Variants in SRRM4 observed in about 807,000 individuals in gnomAD.
The protein encoded by SRRM4 is serine/arginine repetitive matrix 4.
In SRRM4, 33 loss-of-function variants were observed where a neutral mutation model predicts 68.9. That is an observed-to-expected ratio of 0.48 (90% CI 0.36 to 0.64). The LOEUF (loss-of-function observed/expected upper bound fraction) is 0.64, where lower values mean the gene tolerates loss of function less well. SRRM4 is among the 30% of genes least tolerant of loss of function. The pLI is 0.00. For synonymous variants in SRRM4, 318 were observed against 318.8 expected (o/e 1.00, Z 0.03); for missense variants, 817 against 827.1 (o/e 0.99, Z 0.15).
rs116954408 is a variant in SRRM4, at chr12:119,048,514, G to A, written c.132-53722G>A. Among the ~76,000 whole-genome samples, 815 of 152,272 alleles carry A rather than the reference G, an allele frequency of 5.4e-3. 6 individuals carry two copies. The highest frequency in any genetic ancestry group is 8.1e-3 in the Admixed American group (124 of 15,302). ...GTCCCTCCTAGTGTTTAAGAGCATG[G>A]GGAACCTGAGGCAGGGAAAATCGGG... On this transcript the variant is annotated intron_variant, in intron 1 of 12. Transcript: ENST00000267260.
In SRRM4 at chr12:119,091,734, A is replaced by G. The variant is rs1380593794; in HGVS notation, c.132-10502A>G. On this transcript the variant is annotated intron_variant, in intron 1 of 12. Coordinates refer to ENST00000267260, the MANE Select transcript of SRRM4 (RefSeq NM_194286.4). The stretch of plus-strand genomic sequence containing the variant: ...CAGAGTCTATCCGATGGGTCTACTC[A>G]CTATGCACTCCCAACTCTCCCTGGT... Among the ~76,000 whole-genome samples the G allele has an allele frequency of 2.0e-5, 3 of 152,072 alleles. No individual in the cohort carries two copies. In the East Asian group the frequency reaches 5.8e-4, roughly 29 times the overall value.
chr12:119,161,308 C>G lies in SRRM4; in HGVS notation c.*4510C>G, dbSNP rs927067856. On this transcript the variant is annotated 3_prime_UTR_variant, in exon 13 of 13. Coordinates refer to ENST00000267260, the MANE Select transcript of SRRM4 (RefSeq NM_194286.4). ...GGATTCCTCCAAACATGCCTCCTCC[C>G]GCACTGGCCAGCCGAGTCCAGCTGA... 1 of 152,198 alleles carries G rather than the reference C, an allele frequency of 6.6e-6. No homozygotes were observed. Among genetic ancestry groups the G allele is most frequent in the South Asian group, 2.1e-4 (1 of 4,828 alleles). 9.4% of individuals were successfully genotyped at this position (152,198 alleles called of 1,614,324 possible). A position where few individuals can be genotyped will look rare whatever the true frequency, so the allele number is the denominator to read the frequency against.
intron 1 of SRRM4, among the ~76,000 whole-genome samples, chr12:119,015,267 C>G (rs139288460): frequency 6.6e-6 from 1 of 152,150 alleles, no homozygotes; most frequent in Non-Finnish European, 1.5e-5. Context: ...CCCTTTTTCT[C>G]CATCTCCAGT....
At chr12:119,082,394 GT>G (rs1953954407) in intron 1 of SRRM4, among the ~76,000 whole-genome samples, 1 of 152,198 alleles carries the variant, frequency 6.6e-6, no homozygotes, top group African/African-American at 2.4e-5. Flanking sequence ...ATGTGGACCT[GT>G]AGGGGCTTTG....
chr12:119,146,732 C>T (rs1344787901), intron 9 of SRRM4, among the ~76,000 whole-genome samples: 1 of 152,038 alleles, frequency 6.6e-6, no homozygotes, highest in Non-Finnish European at 1.5e-5. Flanking sequence ...GTCAGGAGAT[C>T]GAGACCATCC....
rs1954478578 is a variant in SRRM4 at position 119,157,019 on chromosome 12, G to A, written c.*221G>A. 1 of 531,498 alleles carries A rather than the reference G, an allele frequency of 1.9e-6. No homozygotes were observed. The highest frequency in any genetic ancestry group is 3.2e-6 in the Non-Finnish European group (1 of 311,242). 32.9% of individuals were successfully genotyped at this position (531,498 alleles called of 1,614,324 possible). On this transcript the variant is annotated 3_prime_UTR_variant, in exon 13 of 13. Coordinates refer to ENST00000267260, the MANE Select transcript of SRRM4 (RefSeq NM_194286.4). The surrounding 1 kb of genome is among the most constrained non-coding windows in gnomAD (Gnocchi z 4.1). Reference sequence around the variant, plus strand: ...CATCCTGGGGCCCAGCTCAGGCCTGGGCATATGGAAAGAACCATCATCTTG... The same window carrying A: ...CATCCTGGGGCCCAGCTCAGGCCTGAGCATATGGAAAGAACCATCATCTTG...
chr12:119,044,774 T>C (rs1565896404), intron 1 of SRRM4, among the ~76,000 whole-genome samples: 1 of 152,112 alleles, frequency 6.6e-6, no homozygotes, highest in Non-Finnish European at 1.5e-5. Context: ...TATATTATGA[T>C]TTTTACTATT....
At chr12:119,144,580 A>G (rs1446858824) in intron 8 of SRRM4, 1 of 152,214 alleles carries the variant, frequency 6.6e-6, no homozygotes, top group Non-Finnish European at 1.5e-5. Context: ...CCGCAAAGAC[A>G]TGAGAGAATT....
chr12:119,112,225 A>G (rs1954149231), intron 2 of SRRM4, among the ~76,000 whole-genome samples: 1 of 152,164 alleles, frequency 6.6e-6, no homozygotes, highest in Non-Finnish European at 1.5e-5. Context: ...ACCCTCTTAG[A>G]AATGCAAATC....
intron 1 of SRRM4, among the ~76,000 whole-genome samples, chr12:119,075,750 T>G (rs1183563079): frequency 6.8e-6 from 1 of 147,782 alleles, no homozygotes; most frequent in East Asian, 2.0e-4. Flanking sequence ...ATGATGGTGG[T>G]AATGATGATG....
Position 119,024,415 on chromosome 12 carries a change from C to T in SRRM4, c.131+42402C>T, listed in dbSNP as rs112306215. The stretch of plus-strand genomic sequence containing the variant: ...CTGATGCAGTCTCACTGCCACTGCA[C>T]GCAGGATGGCAGAGGGAATGTGGGC... On this transcript the variant is annotated intron_variant, in intron 1 of 12. Transcript: ENST00000267260. Among the ~76,000 whole-genome samples, 488 of 152,340 alleles carry T rather than the reference C, an allele frequency of 3.2e-3. 8 individuals are homozygous for T. Among genetic ancestry groups the T allele is most frequent in the African/African-American group, 0.011 (455 of 41,582 alleles).
chr12:119,142,794 C>A (rs1222339580), intron 8 of SRRM4, among the ~76,000 whole-genome samples: 1 of 152,176 alleles, frequency 6.6e-6, no homozygotes, highest in African/African-American at 2.4e-5. Context: ...CCAGAGATCG[C>A]AGATCTCAGG....
At chr12:119,005,185 C>G (rs1953408629) in intron 1 of SRRM4, among the ~76,000 whole-genome samples, 1 of 152,228 alleles carries the variant, frequency 6.6e-6, no homozygotes, top group Non-Finnish European at 1.5e-5. Flanking sequence ...TCAAAGCATT[C>G]AGGGATTAAC....
chr12:119,052,478 C>A (rs1352989203), intron 1 of SRRM4, among the ~76,000 whole-genome samples: 1 of 152,062 alleles, frequency 6.6e-6, no homozygotes, highest in Non-Finnish European at 1.5e-5. Flanking sequence ...ATAGAGATTA[C>A]CTAGGATGTT....
rs749891251 is a variant in SRRM4, at chr12:119,156,624, T to TCGGAGC, written c.1674_1679dup (p.Ser558_Arg559dup). The TCGGAGC allele has an allele frequency of 4.4e-4, 713 of 1,602,974 alleles. No homozygotes were observed. Among genetic ancestry groups the TCGGAGC allele is most frequent in the Non-Finnish European group, 5.4e-4 (640 of 1,176,792 alleles). ...GCCGCAGCTACTCCCGGAGCCGGAG[T>TCGGAGC]CGGAGCCGGAGCCGGAGACGGAGCC... On this transcript the variant is annotated inframe_insertion, in exon 13 of 13. Coordinates refer to ENST00000267260, the MANE Select transcript of SRRM4 (RefSeq NM_194286.4).
At position 119,078,851 on chromosome 12, in the gene SRRM4, G is replaced by T. The variant is rs148195419; in HGVS notation, c.132-23385G>T. On this transcript the variant is annotated intron_variant, in intron 1 of 12. Coordinates refer to ENST00000267260, the MANE Select transcript of SRRM4 (RefSeq NM_194286.4). The stretch of plus-strand genomic sequence containing the variant: ...AGGCTGAGGCAGGAGGATCACTCAA[G>T]CCCAGGAATTTAAGGCTACATTAAG... Among the ~76,000 whole-genome samples the T allele has an allele frequency of 4.7e-3, 709 of 152,250 alleles. 5 individuals carry two copies. Among genetic ancestry groups the T allele is most frequent in the African/African-American group, 0.016 (678 of 41,556 alleles).
intron 1 of SRRM4, among the ~76,000 whole-genome samples, chr12:119,063,234 A>C (rs1953825468): frequency 6.6e-6 from 1 of 152,222 alleles, no homozygotes. Context: ...ATGGTTATCA[A>C]TGCACATGAC....
chr12:119,121,570 G>GC (rs1028159384), intron 5 of SRRM4, among the ~76,000 whole-genome samples: 2 of 152,220 alleles, frequency 1.3e-5, no homozygotes, highest in African/African-American at 4.8e-5. Context: ...GCAGTCAAGA[G>GC]CATGGGCTCT....
chr12:119,003,989 T>A (rs1953400987), intron 1 of SRRM4, among the ~76,000 whole-genome samples: 1 of 152,080 alleles, frequency 6.6e-6, no homozygotes, highest in African/African-American at 2.4e-5. Context: ...GAATTGTTAA[T>A]TGATCAGTTA....
Sources: allele counts gnomAD v4.1 joint callset (sites outside exome capture counted in the v4.1 genomes callset), GRCh38; gene constraint gnomAD v4.1.1; non-coding constraint Gnocchi (gnomAD v3.1); transcripts MANE v1.5; gene names NCBI Gene and HGNC (gene_info 2026-07-23, HGNC 2026-07-21).